The following CADPS2 variants were observed in gnomAD, a reference collection of about 807,000 sequenced individuals.
CADPS2 encodes the protein calcium-dependent secretion activator 2.
CADPS2 carries 93 observed loss-of-function variants against 172.5 expected under a neutral mutation model. The observed-to-expected ratio is 0.54, with a 90% CI of 0.46 to 0.64. The LOEUF is 0.64. Among genes scored for constraint, CADPS2 ranks in the 30% least tolerant of loss-of-function variants. CADPS2 has a pLI of 0.00. For missense variants in CADPS2, 1,420 were observed against 1,565.9 expected (o/e 0.91, Z 1.57); for synonymous variants, 546 against 555.2 (o/e 0.98, Z 0.23).
chr7:122,726,802 A>C (rs2091148733), intron 2 of CADPS2, among the ~76,000 whole-genome samples: 1 of 151,628 alleles, frequency 6.6e-6, no homozygotes, highest in South Asian at 2.1e-4. Flanking sequence ...ATCCACATAT[A>C]AGATAGAGTT....
chr7:122,666,739 C>A (rs1239420417), intron 2 of CADPS2, among the ~76,000 whole-genome samples: 1 of 152,154 alleles, frequency 6.6e-6, no homozygotes, highest in Non-Finnish European at 1.5e-5. Flanking sequence ...TACCTGAAGG[C>A]ATGTGGCAGC....
intron 8 of CADPS2, among the ~76,000 whole-genome samples, chr7:122,519,807 C>T (rs994721020): frequency 6.6e-6 from 1 of 151,596 alleles, no homozygotes; most frequent in African/African-American, 2.4e-5. Context: ...ATATTTTATG[C>T]TGTTTGGGAA....
intron 2 of CADPS2, among the ~76,000 whole-genome samples, chr7:122,714,167 A>G (rs1412883394): frequency 2.0e-5 from 3 of 151,934 alleles, no homozygotes; most frequent in Non-Finnish European, 4.4e-5. Flanking sequence ...GTAAATTATT[A>G]TTGTTCTAGT....
intron 8 of CADPS2, among the ~76,000 whole-genome samples, chr7:122,521,509 A>C (rs1000009348): frequency 2.0e-5 from 3 of 151,888 alleles, no homozygotes; most frequent in African/African-American, 7.3e-5. Flanking sequence ...TCAACTAAGG[A>C]TGAAAAAAGA....
chr7:122,483,883 A>C (rs2152275817), intron 11 of CADPS2, among the ~76,000 whole-genome samples: 1 of 152,278 alleles, frequency 6.6e-6, no homozygotes, highest in East Asian at 1.9e-4. Flanking sequence ...TGAAATACCT[A>C]GAAATAAATC....
chr7:122,697,196 T>C (rs1588494723), intron 2 of CADPS2, among the ~76,000 whole-genome samples: 1 of 152,080 alleles, frequency 6.6e-6, no homozygotes, highest in Non-Finnish European at 1.5e-5. Context: ...ACTATACAGA[T>C]GCATATCACA....
intron 1 of CADPS2, among the ~76,000 whole-genome samples, chr7:122,824,326 A>G (rs1213824005): frequency 6.6e-6 from 1 of 152,186 alleles, no homozygotes; most frequent in Non-Finnish European, 1.5e-5. Context: ...TATAAGGTCC[A>G]TGCTTTTAAC....
intron 19 of CADPS2, chr7:122,409,726 C>T (rs1563265947): frequency 2.3e-6 from 1 of 428,532 alleles, no homozygotes. Context: ...TACAACCTGT[C>T]CCCTTCTCTT....
chr7:122,605,155 G>A (rs1400882872), intron 6 of CADPS2, among the ~76,000 whole-genome samples: 1 of 151,964 alleles, frequency 6.6e-6, no homozygotes, highest in Non-Finnish European at 1.5e-5. Context: ...ACATGTATAG[G>A]GCACTTACCA....
rs2063569270 is a variant in CADPS2 at position 122,545,908 on chromosome 7, T to C, written c.1475+8642A>G. Among the ~76,000 whole-genome samples the C allele has an allele frequency of 2.6e-5, 4 of 152,158 alleles. No homozygotes were observed. In the South Asian group the frequency reaches 8.3e-4, roughly 31 times the overall value. ...CCACTGTCAAAACCATGTTTTGAAA[T>C]GTGTTTTAGAAGTATTAATATTGAT... On this transcript the variant is annotated intron_variant, in intron 8 of 29. Transcript: ENST00000449022.
At chr7:122,817,562 C>A (rs986410709) in intron 1 of CADPS2, among the ~76,000 whole-genome samples, 1 of 152,112 alleles carries the variant, frequency 6.6e-6, no homozygotes, top group African/African-American at 2.4e-5. Context: ...TGATTATTCA[C>A]CCACGTTTCA....
At chr7:122,394,169 C>A (rs2044759958) in intron 20 of CADPS2, among the ~76,000 whole-genome samples, 1 of 152,128 alleles carries the variant, frequency 6.6e-6, no homozygotes, top group African/African-American at 2.4e-5. Flanking sequence ...CAGCACATGA[C>A]CTGGATTTTT....
In CADPS2 at chr7:122,527,265, C is replaced by A. The variant is rs1020083567; in HGVS notation, c.1476-13950G>T. 4.0e-5 allele frequency among the ~76,000 whole-genome samples: 6 copies of A among 151,690 alleles called. No homozygotes were observed. In the East Asian group the frequency reaches 9.7e-4, roughly 24 times the overall value. Reference sequence around the variant, plus strand: ...TAGTGCACCTTAAGCCCCTTTATGCCGAAAAGGGACTTCCAGGGCTCTTCA... The same window carrying A: ...TAGTGCACCTTAAGCCCCTTTATGCAGAAAAGGGACTTCCAGGGCTCTTCA... On this transcript the variant is annotated intron_variant, in intron 8 of 29. Transcript: ENST00000449022.
At chr7:122,453,572 A>C (rs1413814666) in intron 14 of CADPS2, among the ~76,000 whole-genome samples, 2 of 152,232 alleles carry the variant, frequency 1.3e-5, no homozygotes, top group African/African-American at 4.8e-5. Flanking sequence ...ATTTCACTGA[A>C]TATCCCTAGG....
At position 122,613,320 on chromosome 7, in the gene CADPS2, A is replaced by C. The variant is rs567597724; in HGVS notation, c.1223+1861T>G. On this transcript the variant is annotated intron_variant, in intron 6 of 29. Coordinates refer to ENST00000449022, the MANE Select transcript of CADPS2 (RefSeq NM_017954.11). ...AAAATAGAGGAACTCTTAAAACTTG[A>C]GAAAACAGAAATGGGCAAAGCACTT... is the stretch of plus-strand genomic sequence containing the variant. Among the ~76,000 whole-genome samples, 5 of 152,292 alleles carry C rather than the reference A, an allele frequency of 3.3e-5. No homozygotes were observed. The East Asian group carries it at 7.7e-4, about 23-fold the overall frequency.
At chr7:122,761,718 G>T (rs1374186252) in intron 1 of CADPS2, among the ~76,000 whole-genome samples, 2 of 151,788 alleles carry the variant, frequency 1.3e-5, no homozygotes, top group Admixed American at 1.3e-4. Flanking sequence ...ATGTAGGCCA[G>T]GCATGGTGGC....
chr7:122,868,863 AACT>A (rs1465649190), intron 1 of CADPS2, among the ~76,000 whole-genome samples: 1 of 152,208 alleles, frequency 6.6e-6, no homozygotes, highest in African/African-American at 2.4e-5. Context: ...ACATATTAAA[AACT>A]ACTAAACAGA....
intron 2 of CADPS2, among the ~76,000 whole-genome samples, chr7:122,687,071 T>G (rs778650347): frequency 7.2e-5 from 11 of 152,290 alleles, no homozygotes; most frequent in Admixed American, 2.0e-4. Context: ...CTTTTGAACT[T>G]CAGCAGAAAG....
At chr7:122,823,414 C>T (rs569047034) in intron 1 of CADPS2, among the ~76,000 whole-genome samples, 66 of 152,192 alleles carry the variant, frequency 4.3e-4, no homozygotes, top group Middle Eastern at 6.8e-3. Context: ...TCCTGCTCCC[C>T]TCCCCCTTGT....
Sources: allele counts gnomAD v4.1 joint callset (sites outside exome capture counted in the v4.1 genomes callset), GRCh38; gene constraint gnomAD v4.1.1; transcripts MANE v1.5; gene names NCBI Gene and HGNC (gene_info 2026-07-23, HGNC 2026-07-21).